The following PPP1R12A variants were observed in gnomAD, a reference collection of about 807,000 sequenced individuals.
PPP1R12A encodes the protein myosin binding subunit.
A neutral mutation model predicts 139.6 loss-of-function variants in PPP1R12A; 19 were observed. The ratio of observed to expected loss-of-function variants is 0.14; its 90% CI spans 0.09 to 0.20. PPP1R12A has a LOEUF of 0.20. PPP1R12A is among the 10% of genes least tolerant of loss of function. PPP1R12A has a pLI of 1.00. For synonymous variants in PPP1R12A, 427 were observed against 420.6 expected, an observed-to-expected ratio of 1.02 and a Z score of -0.19; for missense variants, 925 against 1,211.5, an observed-to-expected ratio of 0.76 and a Z score of 3.51.
intron 1 of PPP1R12A, among the ~76,000 whole-genome samples, chr12:79,882,736 G>T (rs552196804): frequency 1.3e-5 from 2 of 152,280 alleles, no homozygotes; most frequent in African/African-American, 4.8e-5. Context: ...TTTCATGAGA[G>T]GAAGAGTCAG....
intron 1 of PPP1R12A, among the ~76,000 whole-genome samples, chr12:79,914,876 A>T (rs73138675): frequency 5.7e-4 from 87 of 152,098 alleles, no homozygotes; most frequent in Non-Finnish European, 9.3e-4. Context: ...AAAAATCTGG[A>T]TTTGTTAGAA....
At chr12:79,912,132 ATCTC>A (rs1886621070) in intron 1 of PPP1R12A, among the ~76,000 whole-genome samples, 1 of 152,060 alleles carries the variant, frequency 6.6e-6, no homozygotes, top group Non-Finnish European at 1.5e-5. Context: ...CCAAGAATCT[ATCTC>A]TCCACCCTCG....
At chr12:79,885,899 T>C (rs1487048419) in intron 1 of PPP1R12A, among the ~76,000 whole-genome samples, 3 of 152,214 alleles carry the variant, frequency 2.0e-5, no homozygotes, top group African/African-American at 7.2e-5. Context: ...TCTCACTATG[T>C]TGCCCAGGCT....
At chr12:79,778,485 T>G in intron 24 of PPP1R12A, 65 bp downstream of exon 24, 2 of 1,112,984 alleles carry the variant, frequency 1.8e-6, no homozygotes, top group Non-Finnish European at 1.3e-6. Context: ...ACCATATCTA[T>G]AATAGTATTT....
intron 5 of PPP1R12A, among the ~76,000 whole-genome samples, chr12:79,826,030 C>A (rs1222448585): frequency 6.6e-6 from 1 of 151,660 alleles, no homozygotes; most frequent in African/African-American, 2.4e-5. Flanking sequence ...AAAAAGCAGT[C>A]TTTAAAATCT....
intron 4 of PPP1R12A, 27 bp downstream of exon 4, chr12:79,832,304 GA>G: frequency 1.3e-6 from 2 of 1,565,714 alleles, no homozygotes; most frequent in East Asian, 4.6e-5. Flanking sequence ...AACTAAAATA[GA>G]AAAACTCTGT....
chr12:79,868,141 CTAAT>C (rs1882185804), intron 2 of PPP1R12A, among the ~76,000 whole-genome samples: 1 of 152,154 alleles, frequency 6.6e-6, no homozygotes, highest in East Asian at 1.9e-4. Context: ...ATGTTTTCAT[CTAAT>C]TATTTCTTCA....
intron 3 of PPP1R12A, among the ~76,000 whole-genome samples, chr12:79,836,761 G>A (rs1473873569): frequency 2.0e-4 from 31 of 152,282 alleles, no homozygotes; most frequent in Non-Finnish European, 1.5e-4. Context: ...TCTAAGTTCA[G>A]TGCTTTGACT....
intron 1 of PPP1R12A, among the ~76,000 whole-genome samples, chr12:79,909,183 T>C (rs1886358840): frequency 6.6e-6 from 1 of 152,218 alleles, no homozygotes; most frequent in Non-Finnish European, 1.5e-5. Flanking sequence ...TACAGTCACA[T>C]CTGTACCTCA....
chr12:79,801,665 T>C (rs1035340931), intron 14 of PPP1R12A, among the ~76,000 whole-genome samples: 2 of 152,160 alleles, frequency 1.3e-5, no homozygotes, highest in Non-Finnish European at 2.9e-5. Context: ...TTTTGGAATC[T>C]GTTTCTCTAA....
chr12:79,915,014 T>TACTTACAACCAAGG (rs1396814335), intron 1 of PPP1R12A, among the ~76,000 whole-genome samples: 2 of 152,130 alleles, frequency 1.3e-5, no homozygotes, highest in Admixed American at 6.5e-5. Flanking sequence ...CAATGGGCTT[T>TACTTACAACCAAGG]TCTTACTTAC....
chr12:79,926,744 GA>G (rs10707325), intron 1 of PPP1R12A, among the ~76,000 whole-genome samples: 138,868 of 151,932 alleles, frequency 0.91, 63,754 homozygotes, highest in Middle Eastern at 0.95. Flanking sequence ...GAGATTTAAA[GA>G]AAAAAAGAAT....
At chr12:79,884,676 G>A (rs552400477) in intron 1 of PPP1R12A, among the ~76,000 whole-genome samples, 3 of 152,126 alleles carry the variant, frequency 2.0e-5, no homozygotes, top group Non-Finnish European at 4.4e-5. Context: ...GAAGCAGAAC[G>A]GCTCAAATAC....
upstream of PPP1R12A, chr12:79,935,119 C>T (rs1157495371): frequency 2.2e-6 from 3 of 1,370,392 alleles, no homozygotes; most frequent in Admixed American, 1.1e-4. Flanking sequence ...CCCGGCCGAG[C>T]GGACCTCCCT....
Position 79,775,388 on chromosome 12 carries a change from G to C in PPP1R12A, c.*541C>G, listed in dbSNP as rs963085140. On this transcript the variant is annotated 3_prime_UTR_variant, in exon 25 of 25. Coordinates refer to ENST00000450142, the MANE Select transcript of PPP1R12A (RefSeq NM_002480.3). Reference sequence around the variant, plus strand: ...AAGTGTTCTTTTCTGTAATGAAAAAGCTGTGAAAACATAGAAGACTCTGCC... The same window carrying C: ...AAGTGTTCTTTTCTGTAATGAAAAACCTGTGAAAACATAGAAGACTCTGCC... 6.6e-6 allele frequency: 1 copy of C among 152,298 alleles called. No individual in the cohort carries two copies. Among genetic ancestry groups the C allele is most frequent in the South Asian group, 2.1e-4 (1 of 4,826 alleles). 9.4% of individuals were successfully genotyped at this position (152,298 alleles called of 1,614,324 possible). A position where few individuals can be genotyped will look rare whatever the true frequency, so the allele number is the denominator to read the frequency against.
At chr12:79,881,407 G>A (rs930521369) in intron 1 of PPP1R12A, among the ~76,000 whole-genome samples, 3 of 152,212 alleles carry the variant, frequency 2.0e-5, no homozygotes, top group Non-Finnish European at 4.4e-5. Context: ...GAAAGTGTTA[G>A]TGACCTGGAC....
At chr12:79,915,608 T>C (rs1306785008) in intron 1 of PPP1R12A, among the ~76,000 whole-genome samples, 3 of 152,160 alleles carry the variant, frequency 2.0e-5, no homozygotes, top group Admixed American at 6.5e-5. Context: ...CCTACACTCA[T>C]CCATTTTTAA....
At chr12:79,838,301 A>T (rs1294705297) in intron 3 of PPP1R12A, among the ~76,000 whole-genome samples, 1 of 152,210 alleles carries the variant, frequency 6.6e-6, no homozygotes, top group African/African-American at 2.4e-5. Context: ...GATGAAAGAA[A>T]TTTCTAAGCA....
intron 1 of PPP1R12A, among the ~76,000 whole-genome samples, chr12:79,885,631 A>G (rs759552787): frequency 2.5e-4 from 38 of 152,188 alleles, no homozygotes; most frequent in Admixed American, 1.4e-3. Context: ...AAACTCATTC[A>G]TAAGTTTATA....
Sources: gnomAD v4.1 joint callset for allele counts (sites outside exome capture counted in the v4.1 genomes callset) on GRCh38, gnomAD v4.1.1 for gene constraint, MANE v1.5 for transcripts, NCBI Gene and HGNC (gene_info 2026-07-23, HGNC 2026-07-21) for gene names.